The following ECD variants were observed in gnomAD, a reference collection of about 807,000 sequenced individuals.
The protein encoded by ECD is protein ecdysoneless homolog.
ECD carries 59 observed loss-of-function variants against 77.2 expected under a neutral mutation model. The ratio of observed to expected loss-of-function variants is 0.76; its 90% confidence interval spans 0.62 to 0.95. ECD has a LOEUF of 0.95. Ranked by LOEUF, ECD falls within the 40% of genes least tolerant of loss-of-function variation. ECD has a pLI of 0.00. For missense variants in ECD, 704 were observed against 763.4 expected, an observed-to-expected ratio of 0.92 and a Z score of 0.92; for synonymous variants, 233 against 267.4, an observed-to-expected ratio of 0.87 and a Z score of 1.26.
At chr10:73,163,427 T>A (rs539802453) in intron 2 of ECD, among the ~76,000 whole-genome samples, 44 of 152,178 alleles carry the variant, frequency 2.9e-4, no homozygotes, top group Non-Finnish European at 5.4e-4. Flanking sequence ...CTGAAACTAT[T>A]TAGTATAGAT....
rs754839251 is a variant in ECD at position 73,156,388 on chromosome 10, C to T, written c.477G>A (p.Trp159Ter). 3.7e-6 allele frequency: 6 copies of T among 1,613,446 alleles called. No homozygotes were observed. The highest frequency in any genetic ancestry group is 5.1e-6 in the Non-Finnish European group (6 of 1,179,872). Residue 159 changes from tryptophan (W) to a stop codon, truncating the protein, a stop_gained, in exon 5 of 14, where the codon TGG becomes TGA. Transcript: ENST00000372979. LOFTEE classifies it high-confidence loss of function. Reference protein sequence around the residue: ...PAPRKSGAESWLPTTPPTIPQ... With the variant: ...PAPRKSGAES Reference sequence around the variant, plus strand: ...GAATTGTTGGGGGTGTGGTGGGTAACCAAGATTCTGCTCCAGATTTTCTTG... The same window carrying T: ...GAATTGTTGGGGGTGTGGTGGGTAATCAAGATTCTGCTCCAGATTTTCTTG...
At chr10:73,159,840 T>G (rs973183338) in intron 3 of ECD, among the ~76,000 whole-genome samples, 1 of 150,884 alleles carries the variant, frequency 6.6e-6, no homozygotes, top group Non-Finnish European at 1.5e-5. Flanking sequence ...ACAGGGTTTC[T>G]CCATGTTGAG....
At chr10:73,157,320 G>A (rs983736248) in intron 3 of ECD, among the ~76,000 whole-genome samples, 1 of 151,540 alleles carries the variant, frequency 6.6e-6, no homozygotes, top group African/African-American at 2.4e-5. Context: ...AAAGTGCTAG[G>A]ATTACAGGTG....
intron 11 of ECD, 148 bp from the exon 12 acceptor site, chr10:73,138,218 A>C: frequency 3.5e-6 from 2 of 574,344 alleles, no homozygotes; most frequent in South Asian, 3.5e-5. Flanking sequence ...AGTTTTAAAA[A>C]TCCTTGAGTT....
chr10:73,139,216 C>CAAAAA, intron 11 of ECD, 93 bp downstream of exon 11: 17 of 1,064,960 alleles, frequency 1.6e-5, no homozygotes, highest in South Asian at 2.0e-5. Context: ...CTCATTTACT[C>CAAAAA]AAAAAAAAAA....
chr10:73,157,735 A>G (rs1334204445), intron 3 of ECD, among the ~76,000 whole-genome samples: 1 of 151,198 alleles, frequency 6.6e-6, no homozygotes, highest in Non-Finnish European at 1.5e-5. Context: ...AAAAAAAAAA[A>G]GTTACAAAAT....
At position 73,154,318 on chromosome 10, in the gene ECD, T is replaced by C. The variant is rs764419959; in HGVS notation, c.721A>G (p.Ile241Val). Reference protein sequence around the residue: ...AVQAFYLRDPIDLRACRVFKT... With the variant: ...AVQAFYLRDPVDLRACRVFKT... ...AAAACACGACAAGCTCGCAGGTCAATAGGGTCTCGTAGGTAAAATGCCTGG... is the reference window on the plus strand; with the variant it reads ...AAAACACGACAAGCTCGCAGGTCAACAGGGTCTCGTAGGTAAAATGCCTGG... Residue 241 changes from isoleucine to valine, a missense_variant, in exon 6 of 14, where the codon ATT (isoleucine) becomes GTT (valine). This residue lies in a region of ECD where 559 missense variants were observed against 583.7 expected (regional missense o/e 0.96). Transcript: ENST00000372979. The C allele has an allele frequency of 5.6e-6, 9 of 1,613,996 alleles. No homozygotes were observed. The Admixed American group carries it at 8.3e-5, about 15-fold the overall frequency.
chr10:73,160,285 A>C (rs78599384), intron 3 of ECD, 149 bp downstream of exon 3: 1 of 240,716 alleles, frequency 4.2e-6, no homozygotes, highest in Non-Finnish European at 6.7e-6. Flanking sequence ...GACTGTCTCA[A>C]AAAAAAAAAA....
chr10:73,155,845 G>A (rs950764320), intron 5 of ECD, among the ~76,000 whole-genome samples: 2 of 151,192 alleles, frequency 1.3e-5, no homozygotes, highest in African/African-American at 4.9e-5. Flanking sequence ...CTCATGATCC[G>A]CCCCCTGCTC....
intron 7 of ECD, among the ~76,000 whole-genome samples, chr10:73,149,943 C>G (rs1421050186): frequency 6.6e-6 from 1 of 151,668 alleles, no homozygotes; most frequent in Non-Finnish European, 1.5e-5. Flanking sequence ...AATGGCCATT[C>G]TGCCCAAGGT....
intron 9 of ECD, among the ~76,000 whole-genome samples, chr10:73,141,110 A>C (rs1589680836): frequency 6.6e-6 from 1 of 152,000 alleles, no homozygotes. Flanking sequence ...ACCAGAACCC[A>C]GGGAAGTTCT....
intron 1 of ECD, among the ~76,000 whole-genome samples, chr10:73,165,497 G>A (rs1474290947): frequency 4.6e-5 from 7 of 151,774 alleles, no homozygotes; most frequent in South Asian, 2.1e-4. Flanking sequence ...GACTATAGGC[G>A]CACGCCACCA....
At chr10:73,140,174 G>T (rs1843034252) in intron 9 of ECD, among the ~76,000 whole-genome samples, 1 of 151,582 alleles carries the variant, frequency 6.6e-6, no homozygotes, top group Admixed American at 6.6e-5. Context: ...TAGTAAAGAT[G>T]GGGTTTCACC....
In ECD at chr10:73,142,460, C is replaced by T. The variant is rs1183505813; in HGVS notation, c.1128-2723G>A. Among the ~76,000 whole-genome samples, 7 of 151,810 alleles carry T rather than the reference C, an allele frequency of 4.6e-5. No homozygotes were observed. In the East Asian group the frequency reaches 1.4e-3, roughly 29 times the overall value. On this transcript the variant is annotated intron_variant, in intron 9 of 13. Coordinates refer to ENST00000372979, the MANE Select transcript of ECD (RefSeq NM_007265.3). ...CCATCCTGGCCAACATGGTGAAACC[C>T]TGTCTGTGCTAAAATACGAAAAGAT... is the stretch of plus-strand genomic sequence containing the variant.
At chr10:73,158,033 T>C (rs909362064) in intron 3 of ECD, among the ~76,000 whole-genome samples, 1 of 152,052 alleles carries the variant, frequency 6.6e-6, no homozygotes, top group Non-Finnish European at 1.5e-5. Flanking sequence ...GCAATCACAC[T>C]CACTGCAACC....
At chr10:73,143,988 T>G (rs995454449) in intron 9 of ECD, among the ~76,000 whole-genome samples, 1 of 152,044 alleles carries the variant, frequency 6.6e-6, no homozygotes, top group Non-Finnish European at 1.5e-5. Context: ...GATTGGGGGA[T>G]GAGGGAGAAG....
chr10:73,155,749 G>T (rs1386111486), intron 5 of ECD, among the ~76,000 whole-genome samples: 1 of 151,862 alleles, frequency 6.6e-6, no homozygotes, highest in African/African-American at 2.4e-5. Flanking sequence ...ACAGGCACCT[G>T]CCACCACGCC....
Position 73,136,007 on chromosome 10 carries a change from G to A in ECD, c.1704+697C>T, listed in dbSNP as rs1040919181. Among the ~76,000 whole-genome samples the A allele has an allele frequency of 5.3e-5, 8 of 152,246 alleles. No individual in the cohort carries two copies. In the South Asian group the frequency reaches 6.2e-4, roughly 12 times the overall value. On this transcript the variant is annotated intron_variant, in intron 13 of 13. Coordinates refer to ENST00000372979, the MANE Select transcript of ECD (RefSeq NM_007265.3). ...AAGGCCTATTGTAGGTTTTACTGCT[G>A]TCTAATTTGGTTCTCATGTTAATTT...
rs1378584468 is a variant in ECD at position 73,152,419 on chromosome 10, G to A, written c.786C>T (p.Val262=). The part of the protein sequence containing the change: ...FLPETRIMTS[V]TFTKCLYAQL... ...GTGCATATAGACATTTAGTGAATGT[G>A]ACCTGGGCATCAAGACACAAAATAC... The change falls in exon 7 of 14, where the codon GTC becomes GTT. Residue 262 remains valine, a splice_region_variant and synonymous_variant. Transcript: ENST00000372979. 1.1e-5 allele frequency: 17 copies of A among 1,611,262 alleles called. No individual in the cohort carries two copies. The highest frequency in any genetic ancestry group is 1.4e-5 in the Non-Finnish European group (17 of 1,178,000).
Sources: gnomAD v4.1 joint callset for allele counts (sites outside exome capture counted in the v4.1 genomes callset) on GRCh38, gnomAD v4.1.1 for gene constraint, gnomAD v4.1.1 regional missense constraint, MANE v1.5 for transcripts, NCBI Gene and HGNC (gene_info 2026-07-23, HGNC 2026-07-21) for gene names.